The following KCNQ5 variants were observed in gnomAD, a reference collection of about 807,000 sequenced individuals.
KCNQ5 encodes potassium voltage-gated channel subfamily KQT member 5.
KCNQ5 carries 30 observed loss-of-function variants against 98.2 expected under a neutral mutation model. The observed-to-expected ratio is 0.31, with a 90% CI of 0.23 to 0.41. KCNQ5 has a LOEUF of 0.41. KCNQ5 is among the 10% of genes least tolerant of loss of function. The probability of loss-of-function intolerance (pLI) is 1.00; values close to 1 mark genes in which losing one functional copy is unlikely to be tolerated. For synonymous variants in KCNQ5, 458 were observed against 449.4 expected (o/e 1.02, Z -0.24); for missense variants, 835 against 1,182.5 (o/e 0.71, Z 4.31).
At chr6:72,961,211 A>C (rs533610664) in intron 1 of KCNQ5, among the ~76,000 whole-genome samples, 1 of 152,380 alleles carries the variant, frequency 6.6e-6, no homozygotes, top group African/African-American at 2.4e-5. Flanking sequence ...TACTGTGGAT[A>C]AGAGTGATAT....
chr6:73,157,735 CGA>C, intron 10 of KCNQ5: 1 of 777,580 alleles, frequency 1.3e-6, no homozygotes. Flanking sequence ...ATAGGGGTCC[CGA>C]GCGATGAAGT....
chr6:72,800,769 A>G (rs1187212053), intron 1 of KCNQ5, among the ~76,000 whole-genome samples: 1 of 152,224 alleles, frequency 6.6e-6, no homozygotes, highest in Non-Finnish European at 1.5e-5. Flanking sequence ...ATTTAGTGCT[A>G]TAAATTTCCC....
intron 1 of KCNQ5, among the ~76,000 whole-genome samples, chr6:72,958,997 T>C (rs1480200730): frequency 1.3e-5 from 2 of 152,230 alleles, no homozygotes; most frequent in East Asian, 1.9e-4. Context: ...CTTTCTCTTT[T>C]CTCCTGAATA....
intron 1 of KCNQ5, among the ~76,000 whole-genome samples, chr6:72,975,218 T>C (rs539959666): frequency 6.6e-6 from 1 of 151,970 alleles, no homozygotes; most frequent in Non-Finnish European, 1.5e-5. Context: ...TGTTTCTACC[T>C]ACATAAAATC....
At chr6:72,833,085 T>G (rs1776353808) in intron 1 of KCNQ5, among the ~76,000 whole-genome samples, 1 of 152,166 alleles carries the variant, frequency 6.6e-6, no homozygotes, top group South Asian at 2.1e-4. Context: ...TTAAGGGATG[T>G]CTAGTTGATT....
At chr6:73,050,181 T>C (rs551367719) in intron 3 of KCNQ5, among the ~76,000 whole-genome samples, 1 of 150,480 alleles carries the variant, frequency 6.6e-6, no homozygotes, top group Non-Finnish European at 1.5e-5. Flanking sequence ...TGCACCACTG[T>C]ACTGCAGCCT....
At chr6:73,148,994 A>G (rs1200515880) in intron 10 of KCNQ5, among the ~76,000 whole-genome samples, 2 of 152,202 alleles carry the variant, frequency 1.3e-5, no homozygotes, top group African/African-American at 4.8e-5. Context: ...AACATCTGAG[A>G]TAGAACTGGT....
At chr6:72,849,619 T>C (rs1305063785) in intron 1 of KCNQ5, among the ~76,000 whole-genome samples, 1 of 152,084 alleles carries the variant, frequency 6.6e-6, no homozygotes, top group Non-Finnish European at 1.5e-5. Context: ...ATCAGACAGA[T>C]TCAGGGAAAA....
intron 1 of KCNQ5, among the ~76,000 whole-genome samples, chr6:72,677,834 G>T (rs1767490775): frequency 6.6e-6 from 1 of 152,132 alleles, no homozygotes; most frequent in African/African-American, 2.4e-5. Flanking sequence ...GAGCAGACTT[G>T]TTTGCCTCTT....
intron 1 of KCNQ5, among the ~76,000 whole-genome samples, chr6:72,645,286 T>C (rs1765535971): frequency 6.7e-6 from 1 of 149,992 alleles, no homozygotes; most frequent in East Asian, 2.0e-4. Flanking sequence ...CTTGGGAGGC[T>C]GTGGAGGGAG....
intron 1 of KCNQ5, among the ~76,000 whole-genome samples, chr6:72,778,915 G>C (rs1323241216): frequency 6.6e-6 from 1 of 152,176 alleles, no homozygotes; most frequent in African/African-American, 2.4e-5. Flanking sequence ...AATAGCTTTT[G>C]TAAAGATATT....
chr6:72,826,475 T>C (rs1044036403), intron 1 of KCNQ5, among the ~76,000 whole-genome samples: 3 of 152,168 alleles, frequency 2.0e-5, no homozygotes, highest in African/African-American at 7.2e-5. Flanking sequence ...GTCTTTTATT[T>C]CAGCTCCCTT....
chr6:72,996,697 A>C (rs1461058148), intron 1 of KCNQ5, among the ~76,000 whole-genome samples: 1 of 152,212 alleles, frequency 6.6e-6, no homozygotes, highest in Non-Finnish European at 1.5e-5. Context: ...CCCAGCAAGA[A>C]TGGACAATGC....
intron 3 of KCNQ5, among the ~76,000 whole-genome samples, chr6:73,050,310 G>GAA (rs1772172633): frequency 1.0e-5 from 1 of 97,212 alleles, no homozygotes; most frequent in Non-Finnish European, 2.4e-5. Context: ...AAGGAAGGAA[G>GAA]GGAGGGAAGA....
chr6:72,718,101 T>C, intron 1 of KCNQ5, among the ~76,000 whole-genome samples: 1 of 152,150 alleles, frequency 6.6e-6, no homozygotes, highest in Non-Finnish European at 1.5e-5. Context: ...TTTACATTCT[T>C]ACAAATTGAC....
intron 1 of KCNQ5, among the ~76,000 whole-genome samples, chr6:72,660,354 G>A (rs1030497110): frequency 6.6e-6 from 1 of 152,072 alleles, no homozygotes; most frequent in African/African-American, 2.4e-5. Context: ...TCTAGAGCGC[G>A]GACATGAAAA....
rs190111435 is a variant in KCNQ5, at chr6:72,865,738, T to C, written c.399-138170T>C. Among the ~76,000 whole-genome samples, 5 of 152,312 alleles carry C rather than the reference T, an allele frequency of 3.3e-5. No homozygotes were observed. The South Asian group carries it at 8.3e-4, about 25-fold the overall frequency. ...ACAACTGACAACTGAAGATTACTAA[T>C]AATGTCTTCTACTCATGTGTACCCC... On this transcript the variant is annotated intron_variant, in intron 1 of 13. Transcript: ENST00000370398.
chr6:72,785,916 G>A (rs1773715779), intron 1 of KCNQ5, among the ~76,000 whole-genome samples: 1 of 151,862 alleles, frequency 6.6e-6, no homozygotes, highest in Admixed American at 6.6e-5. Flanking sequence ...ATAAACCCTG[G>A]GTTTAGGACA....
At chr6:72,678,628 T>G (rs1767537531) in intron 1 of KCNQ5, 1 of 152,226 alleles carries the variant, frequency 6.6e-6, no homozygotes. Flanking sequence ...TTGCATTGAG[T>G]TGCTAGAATA....
Sources: allele counts gnomAD v4.1 joint callset (sites outside exome capture counted in the v4.1 genomes callset), GRCh38; gene constraint gnomAD v4.1.1; transcripts MANE v1.5; gene names NCBI Gene and HGNC (gene_info 2026-07-23, HGNC 2026-07-21).